PCDH7: variants seen among roughly 807,000 people sequenced by gnomAD.
PCDH7 encodes protocadherin-7.
A neutral mutation model predicts 58.9 loss-of-function variants in PCDH7; 17 were observed. The ratio of observed to expected loss-of-function variants is 0.29; its 90% CI spans 0.20 to 0.43. The LOEUF (loss-of-function observed/expected upper bound fraction) is 0.43, where lower values mean the gene tolerates loss of function less well. PCDH7 is among the 20% of genes least tolerant of loss of function. The probability of loss-of-function intolerance (pLI) is 1.00; values close to 1 mark genes in which losing one functional copy is unlikely to be tolerated. For synonymous variants in PCDH7, 664 were observed against 616.4 expected, an observed-to-expected ratio of 1.08 and a Z score of -1.14; for missense variants, 1,274 against 1,441.0, an observed-to-expected ratio of 0.88 and a Z score of 1.88.
intron 3 of PCDH7, among the ~76,000 whole-genome samples, chr4:31,029,937 A>T (rs1399138172): frequency 6.6e-6 from 1 of 152,214 alleles, no homozygotes; most frequent in Non-Finnish European, 1.5e-5. Flanking sequence ...AGTAGTTTAG[A>T]AAACAAAACA....
At chr4:31,045,614 T>C (rs545744099) in intron 3 of PCDH7, among the ~76,000 whole-genome samples, 2 of 152,152 alleles carry the variant, frequency 1.3e-5, no homozygotes, top group Non-Finnish European at 2.9e-5. Flanking sequence ...TGGCTACTTG[T>C]TAATAAAATA....
rs377126326 is a variant in PCDH7, at chr4:30,946,229, T to C, written c.288-3891T>C. On this transcript the variant is annotated intron_variant, in intron 2 of 3. Transcript: ENST00000509759. ...TTTATGCAGCAGGGGAATAATCTCT[T>C]CTCCTGTATCCTTACACCAGACACA... Among the ~76,000 whole-genome samples, 18 of 152,278 alleles carry C rather than the reference T, an allele frequency of 1.2e-4. No individual in the cohort carries two copies. The South Asian group carries it at 3.7e-3, about 32-fold the overall frequency.
chr4:31,005,695 A>G (rs1485887237), intron 3 of PCDH7, among the ~76,000 whole-genome samples: 1 of 152,190 alleles, frequency 6.6e-6, no homozygotes, highest in East Asian at 1.9e-4. Flanking sequence ...GGTTGAGTTT[A>G]TATGTTTTTG....
At chr4:31,110,068 A>G (rs1716092619) in intron 3 of PCDH7, among the ~76,000 whole-genome samples, 1 of 152,246 alleles carries the variant, frequency 6.6e-6, no homozygotes, top group African/African-American at 2.4e-5. Flanking sequence ...ATTTATGGCT[A>G]CCTAGGCTTG....
At chr4:30,949,096 C>T (rs1023694957) in intron 2 of PCDH7, among the ~76,000 whole-genome samples, 6 of 152,110 alleles carry the variant, frequency 3.9e-5, no homozygotes, top group Admixed American at 2.0e-4. Flanking sequence ...GTATCTAATA[C>T]ACTAAGAAAC....
At position 30,762,508 on chromosome 4, in the gene PCDH7, G is replaced by C. The variant is rs1577697366; in HGVS notation, c.70+37912G>C. 1.5e-3 allele frequency among the ~76,000 whole-genome samples: 5 copies of C among 3,424 alleles called. No individual in the cohort carries two copies. In the East Asian group the frequency reaches 0.15, roughly 101 times the overall value. The allele number at this position is 3,424 out of a possible 152,430, so 2.2% of individuals were successfully genotyped here. A position where few individuals can be genotyped will look rare whatever the true frequency, so the allele number is the denominator to read the frequency against. ...CCCTTGCTTCCTGAACTCATGATATGAAATCTTCATTTATTTTAGTTCTAA... is the reference window on the plus strand; with the variant it reads ...CCCTTGCTTCCTGAACTCATGATATCAAATCTTCATTTATTTTAGTTCTAA... On this transcript the variant is annotated intron_variant, in intron 1 of 3. Coordinates refer to the PCDH7 transcript ENST00000509759.
At chr4:30,732,917 A>G (rs1309031649) in exon 2 of PCDH7, 1 of 152,218 alleles carries the variant, frequency 6.6e-6, no homozygotes, top group African/African-American at 2.4e-5. Context: ...AAAGCTTTTG[A>G]GAAGTCTATT....
At chr4:30,982,705 T>C (rs1265963434) in intron 3 of PCDH7, among the ~76,000 whole-genome samples, 1 of 152,000 alleles carries the variant, frequency 6.6e-6, no homozygotes, top group Non-Finnish European at 1.5e-5. Flanking sequence ...CTTTTGTTGA[T>C]TTTTTTTCCC....
At chr4:30,762,107 C>T (rs1443349418) in intron 1 of PCDH7, among the ~76,000 whole-genome samples, 1 of 152,030 alleles carries the variant, frequency 6.6e-6, no homozygotes, top group African/African-American at 2.4e-5. Flanking sequence ...ATATATTAAT[C>T]CTGTATGCCA....
chr4:30,724,898 C>T, intron 1 of PCDH7: 5 of 1,164,822 alleles, frequency 4.3e-6, no homozygotes, highest in Non-Finnish European at 3.2e-6. Flanking sequence ...TTTTTGTTTC[C>T]AGAATAAATA....
intron 2 of PCDH7, among the ~76,000 whole-genome samples, chr4:30,932,994 G>C (rs1156284980): frequency 6.6e-6 from 1 of 151,676 alleles, no homozygotes; most frequent in Non-Finnish European, 1.5e-5. Flanking sequence ...CTAAAGAGGA[G>C]GATGGAATCA....
intron 3 of PCDH7, among the ~76,000 whole-genome samples, chr4:30,973,705 T>A (rs1007312225): frequency 2.7e-5 from 4 of 148,928 alleles, no homozygotes; most frequent in African/African-American, 9.9e-5. Context: ...CAGTCTCCAA[T>A]TTTTTTTTTA....
chr4:30,762,823 A>G (rs1253978197), intron 1 of PCDH7, among the ~76,000 whole-genome samples: 10 of 152,240 alleles, frequency 6.6e-5, no homozygotes, highest in Non-Finnish European at 1.5e-5. Flanking sequence ...CCCAATAATT[A>G]TAAGTTTACT....
intron 3 of PCDH7, among the ~76,000 whole-genome samples, chr4:31,032,656 G>GAGAGGAAGGA (rs1553929064): frequency 2.2e-5 from 2 of 92,250 alleles, no homozygotes; most frequent in African/African-American, 1.0e-4. Flanking sequence ...GAGAGAGAGA[G>GAGAGGAAGGA]AGGAAGGAAG....
At chr4:30,752,783 C>CAAAAAAAAA (rs35860745) in intron 1 of PCDH7, among the ~76,000 whole-genome samples, 14 of 99,536 alleles carry the variant, frequency 1.4e-4, no homozygotes, top group African/African-American at 2.3e-4. Flanking sequence ...CCTGTAGGGG[C>CAAAAAAAAA]AAAAAAAAAA....
chr4:31,034,857 T>C (rs955711707), intron 3 of PCDH7, among the ~76,000 whole-genome samples: 1 of 152,216 alleles, frequency 6.6e-6, no homozygotes, highest in East Asian at 1.9e-4. Flanking sequence ...GCCTCCCTAG[T>C]CAGCAGTTAG....
intron 3 of PCDH7, among the ~76,000 whole-genome samples, chr4:31,076,818 T>A (rs1210401461): frequency 2.0e-5 from 3 of 152,158 alleles, no homozygotes; most frequent in Non-Finnish European, 4.4e-5. Flanking sequence ...AAAATAATGA[T>A]CACATCAACA....
At chr4:30,792,665 G>C (rs144173710) in intron 1 of PCDH7, among the ~76,000 whole-genome samples, 1 of 152,212 alleles carries the variant, frequency 6.6e-6, no homozygotes, top group Non-Finnish European at 1.5e-5. Context: ...AGCTCAGTCT[G>C]TTTTCTAATT....
intron 3 of PCDH7, among the ~76,000 whole-genome samples, chr4:30,957,738 T>G (rs1296182112): frequency 6.6e-6 from 1 of 152,178 alleles, no homozygotes; most frequent in Non-Finnish European, 1.5e-5. Context: ...TAAATAGGCT[T>G]TACATTGTAA....
Sources: gnomAD v4.1 joint callset for allele counts (sites outside exome capture counted in the v4.1 genomes callset) on GRCh38, gnomAD v4.1.1 for gene constraint, MANE v1.5 for transcripts, NCBI Gene and HGNC (gene_info 2026-07-23, HGNC 2026-07-21) for gene names.